ZNF717: variants seen among roughly 807,000 people sequenced by gnomAD.
ZNF717 encodes the protein zinc finger protein 717.
ZNF717 carries 9 observed loss-of-function variants against 13.8 expected under a neutral mutation model. The ratio of observed to expected loss-of-function variants is 0.65; its 90% CI spans 0.39 to 1.14. The LOEUF is 1.14. Among genes scored for constraint, ZNF717 ranks in the 50% most tolerant of loss-of-function variants. The pLI is 0.01. For synonymous variants in ZNF717, 327 were observed against 364.1 expected, an observed-to-expected ratio of 0.90 and a Z score of 1.16; for missense variants, 1,040 against 1,080.7, an observed-to-expected ratio of 0.96 and a Z score of 0.53.
At chr3:75,729,184 A>C (rs78953506), downstream of ZNF717, among the ~76,000 whole-genome samples, 5,129 of 26,422 alleles carry the variant, frequency 0.19, 1 homozygote, top group Middle Eastern at 0.34. Flanking sequence ...GAACAGACTG[A>C]TACAGTCATC....
intron 4 of ZNF717, among the ~76,000 whole-genome samples, chr3:75,717,500 G>A (rs1228333941): frequency 6.6e-6 from 1 of 152,210 alleles, no homozygotes; most frequent in Non-Finnish European, 1.5e-5. Context: ...TGCTGTTGGT[G>A]TCCAAAGGTA....
Position 75,736,904 on chromosome 3 carries a change from G to T in ZNF717, c.2719C>A (p.Pro907Thr). ...SDVAEAGYVF[P>T]QNHSFFP ...CAAGGGAAAAAAGAGTGATTTTGAGGGAACACATAGCCTGCCTCAGCTACG... is the reference window on the plus strand; with the variant it reads ...CAAGGGAAAAAAGAGTGATTTTGAGTGAACACATAGCCTGCCTCAGCTACG... Residue 907 changes from proline (P) to threonine (T), a missense_variant, in exon 5 of 5, where the codon CCT (proline) becomes ACT (threonine). Pro to Thr is a conservative substitution (Grantham distance 38). Around this residue, in one of 3 missense-constraint regions of ZNF717, gnomAD observed 44 missense variants for 70.1 expected, o/e 0.63. Transcript: ENST00000652011. 6.4e-7 allele frequency: 1 copy of T among 1,553,036 alleles called. No individual in the cohort carries two copies. Among genetic ancestry groups the T allele is most frequent in the Non-Finnish European group, 8.7e-7 (1 of 1,148,300 alleles).
At chr3:75,776,915 G>C (rs1416267663) in intron 2 of ZNF717, among the ~76,000 whole-genome samples, 8 of 152,168 alleles carry the variant, frequency 5.3e-5, no homozygotes, top group Non-Finnish European at 1.2e-4. Flanking sequence ...AACCGACTTA[G>C]TTAAGCAAGT....
At chr3:75,745,051 A>G (rs1230151786) in intron 2 of ZNF717, among the ~76,000 whole-genome samples, 2 of 151,934 alleles carry the variant, frequency 1.3e-5, no homozygotes, top group African/African-American at 2.4e-5. Flanking sequence ...TGGTACCAAA[A>G]CACTGCTCCT....
At chr3:75,777,633 A>T (rs1221055188) in intron 2 of ZNF717, among the ~76,000 whole-genome samples, 2 of 144,462 alleles carry the variant, frequency 1.4e-5, no homozygotes, top group Non-Finnish European at 3.0e-5. Context: ...GAACCCAAAA[A>T]AATGGGAGTG....
At chr3:75,758,026 G>A (rs191732125) in intron 2 of ZNF717, among the ~76,000 whole-genome samples, 1 of 148,490 alleles carries the variant, frequency 6.7e-6, no homozygotes, top group Non-Finnish European at 1.5e-5. Flanking sequence ...GCTGAGGCAG[G>A]AGAATTGCTT....
intron 5 of ZNF717, among the ~76,000 whole-genome samples, chr3:75,712,895 A>AT (rs1189309017): frequency 3.3e-5 from 5 of 151,776 alleles, no homozygotes; most frequent in South Asian, 2.1e-4. Context: ...TTTCTTATAC[A>AT]TTTTTTCTTA....
intron 6 of ZNF717, among the ~76,000 whole-genome samples, chr3:75,702,059 A>C: frequency 6.6e-6 from 1 of 152,380 alleles, no homozygotes; most frequent in Admixed American, 6.5e-5. Context: ...AACAGTTTGG[A>C]TGTTCCTGAT....
intron 2 of ZNF717, among the ~76,000 whole-genome samples, chr3:75,744,906 A>G (rs1387992306): frequency 6.6e-6 from 1 of 152,208 alleles, no homozygotes; most frequent in Non-Finnish European, 1.5e-5. Flanking sequence ...CTTCCACTGC[A>G]GCCCATTCTA....
At chr3:75,778,756 A>C (rs1216000135) in intron 2 of ZNF717, among the ~76,000 whole-genome samples, 1 of 136,930 alleles carries the variant, frequency 7.3e-6, no homozygotes, top group Admixed American at 7.5e-5. Flanking sequence ...AAACCAAAAC[A>C]ATGGGAGTGT....
intron 2 of ZNF717, 89 bp downstream of exon 2, chr3:75,783,217 T>C (rs1944937056): frequency 9.9e-7 from 1 of 1,014,850 alleles, no homozygotes; most frequent in Non-Finnish European, 1.5e-6. Flanking sequence ...GAGTTTTACT[T>C]ATTTCCACTT....
intron 2 of ZNF717, among the ~76,000 whole-genome samples, chr3:75,755,524 G>C (rs897677762): frequency 6.6e-6 from 1 of 152,120 alleles, no homozygotes; most frequent in Non-Finnish European, 1.5e-5. Context: ...GATAGATTAT[G>C]TATGCTTATA....
At position 75,736,918 on chromosome 3, in the gene ZNF717, G is replaced by C. The variant is rs1458115738; in HGVS notation, c.2705C>G (p.Ala902Gly). ...HIGEKSDVAE[A>G]GYVFPQNHSF... ...GTGATTTTGAGGGAACACATAGCCT[G>C]CCTCAGCTACGTCAGATTTCTCTCC... Residue 902 changes from alanine to glycine, a missense_variant, in exon 5 of 5, where the codon GCA becomes GGA. Coordinates refer to ENST00000652011, the MANE Select transcript of ZNF717 (RefSeq NM_001290208.3). The C allele has an allele frequency of 1.9e-6, 3 of 1,558,312 alleles. No homozygotes were observed. Among genetic ancestry groups the C allele is most frequent in the Non-Finnish European group, 2.6e-6 (3 of 1,151,250 alleles).
intron 2 of ZNF717, among the ~76,000 whole-genome samples, chr3:75,771,073 G>T (rs1559673919): frequency 1.3e-5 from 2 of 152,172 alleles, no homozygotes; most frequent in Non-Finnish European, 2.9e-5. Context: ...AACTTAATAG[G>T]TAGAAAGACT....
At chr3:75,734,060 A>G (rs1938854692), downstream of ZNF717, among the ~76,000 whole-genome samples, 1 of 151,928 alleles carries the variant, frequency 6.6e-6, no homozygotes, top group Non-Finnish European at 1.5e-5. Flanking sequence ...CTGAACCTAC[A>G]TTTTATTTAT....
At chr3:75,697,208 G>C (rs79640976) in intron 6 of ZNF717, among the ~76,000 whole-genome samples, 1 of 152,388 alleles carries the variant, frequency 6.6e-6, no homozygotes. Flanking sequence ...AGCAATAAAA[G>C]GCATCCCAAT....
intron 2 of ZNF717, among the ~76,000 whole-genome samples, chr3:75,755,979 C>T (rs1156258300): frequency 6.8e-5 from 3 of 44,124 alleles, no homozygotes; most frequent in African/African-American, 1.6e-4. Flanking sequence ...TCTCGTTTCA[C>T]TGCACTTGCT....
chr3:75,737,779 C>A lies in ZNF717; in HGVS notation c.1844G>T (p.Gly615Val). Residue 615 changes from glycine (G) to valine (V), a missense_variant, in exon 5 of 5, where the codon GGG becomes GTG. By Grantham distance (109) the Gly-to-Val change is moderately radical. Transcript: ENST00000652011. ...TTCATTACATTCATAGGGTCTTTCC[C>A]CTGTGTGAGTTCTCTTGTGTATCCC... is the stretch of plus-strand genomic sequence containing the variant. Reference protein sequence around the residue: ...NLGIHKRTHTGERPYECNECG... With the variant: ...NLGIHKRTHTVERPYECNECG... 2 of 1,551,088 alleles carry A rather than the reference C, an allele frequency of 1.3e-6. No homozygotes were observed. Among genetic ancestry groups the A allele is most frequent in the Non-Finnish European group, 8.7e-7 (1 of 1,146,380 alleles).
intron 2 of ZNF717, among the ~76,000 whole-genome samples, chr3:75,782,115 C>G (rs989745124): frequency 6.6e-6 from 1 of 152,084 alleles, no homozygotes; most frequent in East Asian, 1.9e-4. Flanking sequence ...CGCTCGGATA[C>G]GACAGTTTCA....
Sources: allele counts gnomAD v4.1 joint callset (sites outside exome capture counted in the v4.1 genomes callset), GRCh38; gene constraint gnomAD v4.1.1; regional missense constraint gnomAD v4.1.1; transcripts MANE v1.5; gene names NCBI Gene and HGNC (gene_info 2026-07-23, HGNC 2026-07-21).